Variants in PHC3 observed in about 807,000 individuals in gnomAD.
The protein encoded by PHC3 is polyhomeotic-like protein 3.
A neutral mutation model predicts 107.4 loss-of-function variants in PHC3; 13 were observed. That is an observed-to-expected ratio of 0.12 (90% CI 0.08 to 0.19). PHC3 has a LOEUF of 0.19. PHC3 is among the 10% of genes least tolerant of loss of function. The pLI is 1.00. For missense variants in PHC3, 992 were observed against 1,210.9 expected, an observed-to-expected ratio of 0.82 and a Z score of 2.68; for synonymous variants, 456 against 427.4, an observed-to-expected ratio of 1.07 and a Z score of -0.83.
In PHC3 at chr3:170,136,622, G is replaced by C. The variant is rs766110128; in HGVS notation, c.716C>G (p.Ser239Cys). 6.2e-7 allele frequency: 1 copy of C among 1,613,720 alleles called. No homozygotes were observed. Among genetic ancestry groups the C allele is most frequent in the Non-Finnish European group, 8.5e-7 (1 of 1,179,792 alleles). ...TTTTGGTGGACCATTCTGTGAGCTA[G>C]ATAATACACCCAACTTCTGGCTGCG... ...TLRSQKLGVL[S>C]SSQNGPPKST... is the part of the protein sequence containing the mutation. Residue 239 changes from serine (S) to cysteine (C), a missense_variant, in exon 7 of 15, where the codon TCT becomes TGT. Coordinates refer to ENST00000495893, the MANE Select transcript of PHC3 (RefSeq NM_024947.4).
At chr3:170,115,854 T>C (rs1463051626) in intron 10 of PHC3, among the ~76,000 whole-genome samples, 1 of 149,230 alleles carries the variant, frequency 6.7e-6, no homozygotes, top group Non-Finnish European at 1.5e-5. Context: ...TGTATGAGAA[T>C]TGTTATAGGA....
Position 170,128,834 on chromosome 3 carries a change from G to A in PHC3, c.1638C>T (p.Gly546=). The change falls in exon 8 of 15, where the codon GGC becomes GGT. Residue 546 remains glycine, a synonymous_variant. Coordinates refer to ENST00000495893, the MANE Select transcript of PHC3 (RefSeq NM_024947.4). ...CCAAAGCATTCTGCACCAAAACCTG[G>A]CCCTGGGACAGAATTTCAGGCTGCA... ...LQVQPEILSQ[G]QVLVQNALVS... is the part of the protein sequence containing the mutation. 6.2e-7 allele frequency: 1 copy of A among 1,614,014 alleles called. No individual in the cohort carries two copies. Among genetic ancestry groups the A allele is most frequent in the South Asian group, 1.1e-5 (1 of 91,082 alleles).
intron 4 of PHC3, among the ~76,000 whole-genome samples, chr3:170,156,145 G>C (rs531058647): frequency 1.1e-4 from 16 of 152,234 alleles, no homozygotes; most frequent in African/African-American, 3.9e-4. Context: ...AAAAGAGATG[G>C]GGTCTACGTA....
rs2108223792 is a variant in PHC3 at position 170,091,442 on chromosome 3, C to G, written c.*5788G>C. 6.6e-6 allele frequency: 1 copy of G among 152,192 alleles called. No individual in the cohort carries two copies. The highest frequency in any genetic ancestry group is 1.9e-4 in the East Asian group (1 of 5,190). 9.4% of individuals were successfully genotyped at this position (152,192 alleles called of 1,614,324 possible). A position where few individuals can be genotyped will look rare whatever the true frequency, so the allele number is the denominator to read the frequency against. On this transcript the variant is annotated 3_prime_UTR_variant, in exon 15 of 15. Coordinates refer to ENST00000495893, the MANE Select transcript of PHC3 (RefSeq NM_024947.4). ...AAGCAGTAGAAACAAAAATATTTTT[C>G]AAAAGTATAAAGCTAGCTAGAACCT...
At chr3:170,146,658 G>A (rs1444563344) in intron 5 of PHC3, among the ~76,000 whole-genome samples, 4 of 148,544 alleles carry the variant, frequency 2.7e-5, no homozygotes, top group East Asian at 2.1e-4. Context: ...TCAGCTTCCC[G>A]AGTAGCTGGG....
intron 2 of PHC3, among the ~76,000 whole-genome samples, chr3:170,174,595 G>GAGT (rs1485830450): frequency 2.6e-5 from 4 of 152,174 alleles, no homozygotes; most frequent in Non-Finnish European, 5.9e-5. Flanking sequence ...AGAGCTAAGG[G>GAGT]AGTAATAGTG....
At chr3:170,161,159 T>C (rs1727828220) in intron 4 of PHC3, among the ~76,000 whole-genome samples, 1 of 152,234 alleles carries the variant, frequency 6.6e-6, no homozygotes, top group Non-Finnish European at 1.5e-5. Context: ...TCTCACATAA[T>C]CCTAGATTAA....
chr3:170,147,000 A>G (rs2108576154), intron 5 of PHC3, among the ~76,000 whole-genome samples: 1 of 145,956 alleles, frequency 6.9e-6, no homozygotes, highest in East Asian at 2.0e-4. Flanking sequence ...CTCCTGCATT[A>G]GCCTCCCGAG....
chr3:170,142,332 G>C (rs1724241487), intron 6 of PHC3, among the ~76,000 whole-genome samples: 1 of 152,102 alleles, frequency 6.6e-6, no homozygotes, highest in Admixed American at 6.6e-5. Context: ...TGAACTCAGA[G>C]ATTCCGGCTC....
At chr3:170,117,583 T>C in intron 9 of PHC3, 107 bp from the exon 10 acceptor site, 1 of 1,146,018 alleles carries the variant, frequency 8.7e-7, no homozygotes, top group Admixed American at 2.8e-5. Flanking sequence ...ATCTGGTACT[T>C]TCAAAAACTG....
chr3:170,153,994 C>G lies in PHC3; in HGVS notation c.415-4750G>C, dbSNP rs138342347. On this transcript the variant is annotated intron_variant, in intron 4 of 14. Transcript: ENST00000495893. Reference sequence around the variant, plus strand: ...TGCAGCTACATAGTGAACAACTTCTCAAAAATCACCTGCTCTAATAAGCTT... The same window carrying G: ...TGCAGCTACATAGTGAACAACTTCTGAAAAATCACCTGCTCTAATAAGCTT... Among the ~76,000 whole-genome samples, 25 of 152,262 alleles carry G rather than the reference C, an allele frequency of 1.6e-4. No individual in the cohort carries two copies. The East Asian group carries it at 4.3e-3, about 26-fold the overall frequency.
rs1714625311 is a variant in PHC3 at position 170,096,196 on chromosome 3, T to C, written c.*1034A>G. The C allele has an allele frequency of 6.6e-6, 1 of 151,274 alleles. No individual in the cohort carries two copies. The highest frequency in any genetic ancestry group is 6.6e-5 in the Admixed American group (1 of 15,202). The allele number at this position is 151,274 out of a possible 1,614,324, so 9.4% of individuals were successfully genotyped here. A position where few individuals can be genotyped will look rare whatever the true frequency, so the allele number is the denominator to read the frequency against. ...TATAGGACAATTTGTAGATTTTTTT[T>C]CTTTTTCTAGTATGATTAAACTAGA... On this transcript the variant is annotated 3_prime_UTR_variant, in exon 15 of 15. Transcript: ENST00000495893.
At position 170,129,278 on chromosome 3, in the gene PHC3, A is replaced by G. The variant is rs766291689; in HGVS notation, c.1194T>C (p.Pro398=). ...ACTGCTGTGCTGACTGTGACTGATT[A>G]GGAGACACTGTTAAAGGAGAGGGAT... ...QSHPSPLTVS[P]NQSQSAQQSV... Residue 398 remains proline, a synonymous_variant, in exon 8 of 15, where the codon CCT becomes CCC. Transcript: ENST00000495893. 6 of 1,613,854 alleles carry G rather than the reference A, an allele frequency of 3.7e-6. No individual in the cohort carries two copies. The highest frequency in any genetic ancestry group is 1.3e-5 in the African/African-American group (1 of 74,922).
chr3:170,178,836 G>C lies in PHC3; in HGVS notation c.117C>G (p.Ser39=). Residue 39 remains serine, a synonymous_variant, in exon 2 of 15, where the codon TCC becomes TCG. Coordinates refer to ENST00000495893, the MANE Select transcript of PHC3 (RefSeq NM_024947.4). ...TCTGTGGCTGCTGCATTCGAGAGGAGGAAGTGGTGATGGTGGTGGTGGTGG... is the reference window on the plus strand; with the variant it reads ...TCTGTGGCTGCTGCATTCGAGAGGACGAAGTGGTGATGGTGGTGGTGGTGG... The part of the protein sequence containing the change: ...SSTTTTTITT[S]SSRMQQPQIS... 6.2e-7 allele frequency: 1 copy of C among 1,614,004 alleles called. No individual in the cohort carries two copies. Among genetic ancestry groups the C allele is most frequent in the East Asian group, 2.2e-5 (1 of 44,888 alleles).
intron 6 of PHC3, among the ~76,000 whole-genome samples, chr3:170,142,695 T>C (rs1431867817): frequency 6.6e-6 from 1 of 152,202 alleles, no homozygotes; most frequent in Non-Finnish European, 1.5e-5. Context: ...GTTTTATTTG[T>C]GTCTTTTTTC....
intron 4 of PHC3, among the ~76,000 whole-genome samples, chr3:170,154,544 T>A (rs1474409102): frequency 6.6e-6 from 1 of 152,218 alleles, no homozygotes; most frequent in Non-Finnish European, 1.5e-5. Flanking sequence ...AAAAAATGAT[T>A]GGCTGATAGC....
In PHC3 at chr3:170,089,102, G is replaced by A. The variant is rs924593789; in HGVS notation, c.*8128C>T. The A allele has an allele frequency of 6.6e-6, 1 of 152,202 alleles. No homozygotes were observed. Among genetic ancestry groups the A allele is most frequent in the Non-Finnish European group, 1.5e-5 (1 of 68,054 alleles). 9.4% of individuals were successfully genotyped at this position (152,202 alleles called of 1,614,324 possible). A position where few individuals can be genotyped will look rare whatever the true frequency, so the allele number is the denominator to read the frequency against. ...GAATCTATTGAACCTGGGAGGTGGA[G>A]GTTGCATTGAGCCAAGATCACACCG... On this transcript the variant is annotated 3_prime_UTR_variant, in exon 15 of 15. Coordinates refer to ENST00000495893, the MANE Select transcript of PHC3 (RefSeq NM_024947.4).
intron 6 of PHC3, among the ~76,000 whole-genome samples, chr3:170,143,743 A>G (rs1724485853): frequency 1.3e-5 from 2 of 152,224 alleles, no homozygotes; most frequent in South Asian, 2.1e-4. Context: ...CAAAACAATG[A>G]GTTTTGACAT....
chr3:170,170,071 G>C (rs1729355996), intron 4 of PHC3: 1 of 147,540 alleles, frequency 6.8e-6, no homozygotes. Flanking sequence ...TCAACAGCCA[G>C]AAAAAAAAAC....
Sources: gnomAD v4.1 joint callset for allele counts (sites outside exome capture counted in the v4.1 genomes callset) on GRCh38, gnomAD v4.1.1 for gene constraint, MANE v1.5 for transcripts, NCBI Gene and HGNC (gene_info 2026-07-23, HGNC 2026-07-21) for gene names.